Variants in SNX29 observed in about 807,000 individuals in gnomAD.
SNX29 encodes sorting nexin-29.
Under a neutral mutation model 102.1 loss-of-function variants are expected in SNX29, and 78 were observed. The observed-to-expected ratio is 0.76, with a 90% confidence interval of 0.64 to 0.92. The LOEUF is 0.92. Among genes scored for constraint, SNX29 ranks in the 40% least tolerant of loss-of-function variants. The probability of loss-of-function intolerance (pLI) is 0.00; values close to 1 mark genes in which losing one functional copy is unlikely to be tolerated. For missense variants in SNX29, 1,280 were observed against 1,061.7 expected, an observed-to-expected ratio of 1.21 and a Z score of -2.86; for synonymous variants, 580 against 414.5, an observed-to-expected ratio of 1.40 and a Z score of -4.85.
intron 3 of SNX29, among the ~76,000 whole-genome samples, chr16:12,009,903 A>T (rs189117567): frequency 1.6e-4 from 24 of 152,354 alleles, no homozygotes; most frequent in African/African-American, 5.3e-4. Flanking sequence ...TCTTTGTCCC[A>T]TACGGAATCA....
At chr16:12,302,337 C>T (rs142515219) in intron 15 of SNX29, among the ~76,000 whole-genome samples, 130 of 152,290 alleles carry the variant, frequency 8.5e-4, no homozygotes, top group African/African-American at 2.8e-3. Context: ...TTTGCACTGA[C>T]GCTGTAATTT....
At chr16:12,187,519 G>T (rs1480067326) in intron 13 of SNX29, among the ~76,000 whole-genome samples, 1 of 151,558 alleles carries the variant, frequency 6.6e-6, no homozygotes, top group Non-Finnish European at 1.5e-5. Context: ...CTGCACTCCA[G>T]CCTGGGTGAC....
intron 16 of SNX29, among the ~76,000 whole-genome samples, chr16:12,397,177 G>A (rs904203940): frequency 6.6e-6 from 1 of 152,226 alleles, no homozygotes; most frequent in Non-Finnish European, 1.5e-5. Context: ...ACAGGCATGA[G>A]CCGCTTCACC....
In SNX29 at chr16:12,570,984, A is replaced by G. The variant is rs1023088599; in HGVS notation, c.*2355A>G. The G allele has an allele frequency of 2.6e-5, 6 of 232,350 alleles. No individual in the cohort carries two copies. The highest frequency in any genetic ancestry group is 4.3e-5 in the Non-Finnish European group (5 of 117,518). The allele number at this position is 232,350 out of a possible 1,614,324, so 14.4% of individuals were successfully genotyped here. On this transcript the variant is annotated 3_prime_UTR_variant, in exon 21 of 21. Transcript: ENST00000566228. ...GCTGCCTGCTCCTGGTACCTCCCCCATGATCATGCACAGACCGTAGAGTCG... is the reference window on the plus strand; with the variant it reads ...GCTGCCTGCTCCTGGTACCTCCCCCGTGATCATGCACAGACCGTAGAGTCG...
At chr16:12,046,747 G>T (rs2050106006) in intron 6 of SNX29, among the ~76,000 whole-genome samples, 1 of 152,214 alleles carries the variant, frequency 6.6e-6, no homozygotes, top group South Asian at 2.1e-4. Context: ...AACCTTCCGA[G>T]AAGCTGGGAT....
At chr16:12,312,563 G>A (rs1231059757) in intron 15 of SNX29, among the ~76,000 whole-genome samples, 1 of 152,052 alleles carries the variant, frequency 6.6e-6, no homozygotes, top group Non-Finnish European at 1.5e-5. Context: ...CAGAGGTGAG[G>A]CGTGAGGGCA....
intron 13 of SNX29, among the ~76,000 whole-genome samples, chr16:12,185,709 T>G (rs1033764821): frequency 6.6e-6 from 1 of 152,238 alleles, no homozygotes; most frequent in Non-Finnish European, 1.5e-5. Context: ...CTGTGACTTG[T>G]GCAAGAGCCA....
chr16:12,052,144 A>G lies in SNX29; in HGVS notation c.1046A>G (p.Asp349Gly), dbSNP rs2050332247. 1.2e-6 allele frequency: 2 copies of G among 1,613,830 alleles called. No homozygotes were observed. The highest frequency in any genetic ancestry group is 1.3e-5 in the African/African-American group (1 of 74,916). ...KLDVKSIDDE[D>G]VDENEDDVYG... The stretch of plus-strand genomic sequence containing the variant: ...GATGTGAAAAGCATCGATGATGAAG[A>G]TGTGGATGAAAACGAAGATGACGTG... Residue 349 changes from aspartate to glycine, a missense_variant, in exon 8 of 21, where the codon GAT (aspartate) becomes GGT (glycine). Physicochemically the swap from Asp to Gly is moderately conservative, Grantham distance 94. Transcript: ENST00000566228.
chr16:12,410,641 C>T (rs2084361754), intron 18 of SNX29, among the ~76,000 whole-genome samples: 1 of 151,836 alleles, frequency 6.6e-6, no homozygotes, highest in African/African-American at 2.4e-5. Context: ...ACTGTGCTGC[C>T]TAGGCTGGTC....
chr16:12,081,150 G>A (rs1012131265), intron 11 of SNX29: 2 of 152,260 alleles, frequency 1.3e-5, no homozygotes, highest in South Asian at 2.1e-4. Context: ...TGTGCCTGGC[G>A]TGGTTGCCTG....
rs781633313 is a variant in SNX29, at chr16:12,570,070, T to C, written c.*1441T>C. 3 of 674,682 alleles carry C rather than the reference T, an allele frequency of 4.4e-6. No homozygotes were observed. The highest frequency in any genetic ancestry group is 5.5e-5 in the Admixed American group (1 of 18,212). 41.8% of individuals were successfully genotyped at this position (674,682 alleles called of 1,614,324 possible). On this transcript the variant is annotated 3_prime_UTR_variant, in exon 21 of 21. Transcript: ENST00000566228. The stretch of plus-strand genomic sequence containing the variant: ...TCGAGGACATCTCTGGAGAATCATC[T>C]GGAAGGTTTATACTGTGCCTTCCCC...
intron 19 of SNX29, among the ~76,000 whole-genome samples, chr16:12,486,119 A>C (rs937903257): frequency 6.6e-6 from 1 of 152,198 alleles, no homozygotes. Flanking sequence ...TGCCTTTTCC[A>C]GCTTAGAGGC....
chr16:12,477,691 G>A, intron 18 of SNX29, 28 bp from the exon 19 acceptor site: 3 of 1,602,960 alleles, frequency 1.9e-6, no homozygotes, highest in Non-Finnish European at 2.5e-6. Context: ...GGGTTTAAGA[G>A]GAATTCACAT....
At position 12,052,078 on chromosome 16, in the gene SNX29, A is replaced by G. The variant is rs2050329623; in HGVS notation, c.980A>G (p.Asp327Gly). Residue 327 changes from aspartate to glycine, a missense_variant, in exon 8 of 21, where the codon GAT becomes GGT. Transcript: ENST00000566228. ...CAGAGCAGCAACTCATGGAAAATTG[A>G]TTCCCTGTCTTTGAACGGGGAGTTT... ...GSQSSNSWKIDSLSLNGEFGY... is the reference protein window; with the variant it reads ...GSQSSNSWKIGSLSLNGEFGY... 1 of 1,613,972 alleles carries G rather than the reference A, an allele frequency of 6.2e-7. No homozygotes were observed. The highest frequency in any genetic ancestry group is 8.5e-7 in the Non-Finnish European group (1 of 1,179,872).
intron 9 of SNX29, among the ~76,000 whole-genome samples, chr16:12,061,865 G>C (rs1375709398): frequency 6.6e-6 from 1 of 152,208 alleles, no homozygotes; most frequent in African/African-American, 2.4e-5. Context: ...TCCGTGGAGT[G>C]AGTGTTGGGC....
intron 19 of SNX29, among the ~76,000 whole-genome samples, chr16:12,498,869 T>C (rs575597756): frequency 6.6e-6 from 1 of 152,252 alleles, no homozygotes; most frequent in South Asian, 2.1e-4. Context: ...AGGATGTAAG[T>C]AGAGAGATGG....
At chr16:12,288,615 G>C (rs1317005507) in intron 15 of SNX29, among the ~76,000 whole-genome samples, 1 of 149,224 alleles carries the variant, frequency 6.7e-6, no homozygotes. Flanking sequence ...GGGCTTATCT[G>C]TCCTGCATCA....
chr16:12,405,451 A>T (rs2084122056), intron 18 of SNX29, among the ~76,000 whole-genome samples: 1 of 152,182 alleles, frequency 6.6e-6, no homozygotes, highest in African/African-American at 2.4e-5. Context: ...AGCCAGCCTC[A>T]GGCCTGGCCG....
intron 15 of SNX29, among the ~76,000 whole-genome samples, chr16:12,337,192 G>A (rs2081476802): frequency 6.6e-6 from 1 of 152,146 alleles, no homozygotes; most frequent in Admixed American, 6.5e-5. Context: ...CAGTAGGTTT[G>A]TCTTCCCTCC....
Sources: allele counts gnomAD v4.1 joint callset (sites outside exome capture counted in the v4.1 genomes callset), GRCh38; gene constraint gnomAD v4.1.1; transcripts MANE v1.5; gene names NCBI Gene and HGNC (gene_info 2026-07-23, HGNC 2026-07-21).